The following CDKAL1 variants were observed in gnomAD, a reference collection of about 807,000 sequenced individuals.
CDKAL1 encodes threonylcarbamoyladenosine tRNA methylthiotransferase.
A neutral mutation model predicts 68.2 loss-of-function variants in CDKAL1; 32 were observed. The ratio of observed to expected loss-of-function variants is 0.47; its 90% CI spans 0.35 to 0.63. The LOEUF is 0.63. CDKAL1 is among the 30% of genes least tolerant of loss of function. CDKAL1 has a pLI of 0.00. For missense variants in CDKAL1, 606 were observed against 696.7 expected (o/e 0.87, Z 1.47); for synonymous variants, 234 against 244.3 (o/e 0.96, Z 0.39).
At chr6:21,048,904 G>A (rs1400923422) in intron 11 of CDKAL1, among the ~76,000 whole-genome samples, 1 of 151,706 alleles carries the variant, frequency 6.6e-6, no homozygotes, top group Admixed American at 6.6e-5. Flanking sequence ...AATTGGTTCT[G>A]CTAATGTGAA....
intron 10 of CDKAL1, among the ~76,000 whole-genome samples, chr6:20,956,234 A>G (rs1325814887): frequency 6.6e-6 from 1 of 152,216 alleles, no homozygotes; most frequent in Non-Finnish European, 1.5e-5. Flanking sequence ...CACTGTGAAC[A>G]AAGGTGATTC....
chr6:20,891,427 G>C (rs1309597622), intron 9 of CDKAL1, among the ~76,000 whole-genome samples: 1 of 152,140 alleles, frequency 6.6e-6, no homozygotes, highest in Non-Finnish European at 1.5e-5. Flanking sequence ...GCAGATCATG[G>C]GAGGTGAAAG....
chr6:20,815,972 A>G (rs1777026101), intron 8 of CDKAL1, among the ~76,000 whole-genome samples: 1 of 152,166 alleles, frequency 6.6e-6, no homozygotes, highest in Non-Finnish European at 1.5e-5. Flanking sequence ...AGGCAGTACC[A>G]TGTTCTCTCC....
chr6:20,672,251 TTTCTTTCTTTC>T (rs1306836087), intron 5 of CDKAL1, among the ~76,000 whole-genome samples: 1 of 139,130 alleles, frequency 7.2e-6, no homozygotes, highest in East Asian at 2.5e-4. Flanking sequence ...TCTTTCTTTC[TTTCTTTCTTTC>T]TTTTTCTTTT....
chr6:20,582,730 A>G (rs1417324750), intron 4 of CDKAL1, among the ~76,000 whole-genome samples: 1 of 152,174 alleles, frequency 6.6e-6, no homozygotes, highest in Non-Finnish European at 1.5e-5. Flanking sequence ...TAGTGTAGGC[A>G]CTTATTATAA....
At chr6:20,655,426 A>G (rs193174834) in intron 5 of CDKAL1, among the ~76,000 whole-genome samples, 21 of 152,312 alleles carry the variant, frequency 1.4e-4, no homozygotes, top group African/African-American at 2.6e-4. Flanking sequence ...TCTTTACATC[A>G]GGGGTCTCCA....
chr6:20,867,360 T>A (rs1013210682), intron 9 of CDKAL1, among the ~76,000 whole-genome samples: 5 of 152,228 alleles, frequency 3.3e-5, no homozygotes, highest in Non-Finnish European at 7.3e-5. Flanking sequence ...ATTTGAACAG[T>A]TGTCAAATAA....
At chr6:21,037,053 G>A (rs1246289805) in intron 11 of CDKAL1, among the ~76,000 whole-genome samples, 1 of 152,022 alleles carries the variant, frequency 6.6e-6, no homozygotes, top group Non-Finnish European at 1.5e-5. Flanking sequence ...GATTTTTTTG[G>A]ACTTTTTTTG....
At chr6:20,784,397 C>T (rs1775568425) in intron 8 of CDKAL1, among the ~76,000 whole-genome samples, 1 of 111,970 alleles carries the variant, frequency 8.9e-6, no homozygotes, top group Non-Finnish European at 1.9e-5. Context: ...TTTTTTTCTT[C>T]CAGATATTTT....
intron 8 of CDKAL1, among the ~76,000 whole-genome samples, chr6:20,798,119 A>C (rs1168783747): frequency 6.6e-6 from 1 of 151,912 alleles, no homozygotes; most frequent in Non-Finnish European, 1.5e-5. Flanking sequence ...CACCTGCCCT[A>C]TATTATTTAT....
chr6:20,735,756 C>T (rs1773162630), intron 5 of CDKAL1, among the ~76,000 whole-genome samples: 1 of 152,192 alleles, frequency 6.6e-6, no homozygotes, highest in Admixed American at 6.5e-5. Context: ...TTCAAGTATT[C>T]TGCATGACTA....
At chr6:20,998,971 T>C (rs897240796) in intron 10 of CDKAL1, among the ~76,000 whole-genome samples, 2 of 151,396 alleles carry the variant, frequency 1.3e-5, no homozygotes, top group Non-Finnish European at 2.9e-5. Context: ...ACACAGGGCA[T>C]GGTTGATCCG....
chr6:21,117,058 T>C (rs1268401949), intron 13 of CDKAL1, among the ~76,000 whole-genome samples: 1 of 152,148 alleles, frequency 6.6e-6, no homozygotes, highest in African/African-American at 2.4e-5. Flanking sequence ...TGTATCCCCA[T>C]TCTCTTTCTC....
intron 9 of CDKAL1, among the ~76,000 whole-genome samples, chr6:20,918,885 C>T (rs1040594972): frequency 2.0e-5 from 3 of 152,198 alleles, no homozygotes; most frequent in African/African-American, 7.2e-5. Flanking sequence ...ATTTAGTGTT[C>T]ATGGGCATTT....
intron 4 of CDKAL1, among the ~76,000 whole-genome samples, chr6:20,562,312 T>C (rs1764297747): frequency 6.6e-6 from 1 of 152,108 alleles, no homozygotes; most frequent in East Asian, 1.9e-4. Flanking sequence ...CAAAATGGGA[T>C]TTCCATCCAC....
chr6:21,009,305 T>A (rs949435642), intron 11 of CDKAL1, among the ~76,000 whole-genome samples: 2 of 152,220 alleles, frequency 1.3e-5, no homozygotes, highest in African/African-American at 4.8e-5. Flanking sequence ...AATTTTCCAA[T>A]TGAAAATTAT....
At chr6:20,551,246 G>A (rs1453414238) in intron 4 of CDKAL1, among the ~76,000 whole-genome samples, 1 of 152,160 alleles carries the variant, frequency 6.6e-6, no homozygotes, top group Non-Finnish European at 1.5e-5. Flanking sequence ...CCATTGTTCT[G>A]TACCTCATGG....
intron 11 of CDKAL1, among the ~76,000 whole-genome samples, chr6:21,051,994 A>T (rs1263087515): frequency 6.6e-6 from 1 of 152,226 alleles, no homozygotes; most frequent in African/African-American, 2.4e-5. Context: ...ATAAGAATGA[A>T]TGCCCAGGTC....
At chr6:21,027,963 G>C (rs576321159) in intron 11 of CDKAL1, among the ~76,000 whole-genome samples, 1 of 152,162 alleles carries the variant, frequency 6.6e-6, no homozygotes, top group Non-Finnish European at 1.5e-5. Context: ...CACTTGGCCC[G>C]TGGTGCTAAG....
Sources: gnomAD v4.1 joint callset for allele counts (sites outside exome capture counted in the v4.1 genomes callset) on GRCh38, gnomAD v4.1.1 for gene constraint, MANE v1.5 for transcripts, NCBI Gene and HGNC (gene_info 2026-07-23, HGNC 2026-07-21) for gene names.